The following REEP3 variants were observed in gnomAD, a reference collection of about 807,000 sequenced individuals.
REEP3 encodes receptor accessory protein 3.
REEP3 carries 20 observed loss-of-function variants against 41.3 expected under a neutral mutation model. That is an observed-to-expected ratio of 0.48 (90% CI 0.34 to 0.70). The LOEUF is 0.70. REEP3 is among the 30% of genes least tolerant of loss of function. The pLI is 0.01. For missense variants in REEP3, 271 were observed against 308.8 expected (o/e 0.88, Z 0.92); for synonymous variants, 104 against 101.8 (o/e 1.02, Z -0.13).
chr10:63,594,549 C>G (rs936488989), intron 2 of REEP3, among the ~76,000 whole-genome samples: 1 of 152,140 alleles, frequency 6.6e-6, no homozygotes, highest in African/African-American at 2.4e-5. Flanking sequence ...TTAATCTTTG[C>G]TCCTGCTATC....
chr10:63,536,509 C>G (rs1190850456), intron 1 of REEP3, among the ~76,000 whole-genome samples: 1 of 152,070 alleles, frequency 6.6e-6, no homozygotes, highest in East Asian at 1.9e-4. Context: ...TTTCTCAATT[C>G]CTTTCTAACT....
intron 1 of REEP3, among the ~76,000 whole-genome samples, chr10:63,525,890 A>G (rs111868074): frequency 9.2e-4 from 140 of 152,304 alleles, no homozygotes; most frequent in Non-Finnish European, 1.7e-3. Flanking sequence ...TAAAAGCCAG[A>G]TTGCCAAATT....
intron 5 of REEP3, among the ~76,000 whole-genome samples, chr10:63,609,309 A>C (rs921536508): frequency 6.6e-6 from 1 of 151,914 alleles, no homozygotes. Flanking sequence ...AAAATTAGCC[A>C]GGCGTGGTGG....
intron 1 of REEP3, among the ~76,000 whole-genome samples, chr10:63,533,708 A>ATTTTTTTTTTTTTTTTTTTTTTT (rs1464023228): frequency 1.2e-4 from 11 of 93,904 alleles, no homozygotes; most frequent in South Asian, 4.2e-4. Context: ...AAGTATGTAA[A>ATTTTTTTTTTTTTTTTTTTTTTT]TCTTTTTTTT....
At chr10:63,567,708 G>A (rs1955813168) in intron 2 of REEP3, among the ~76,000 whole-genome samples, 1 of 152,074 alleles carries the variant, frequency 6.6e-6, no homozygotes, top group African/African-American at 2.4e-5. Flanking sequence ...TATAGCTGTG[G>A]TTCTTTGTAA....
At chr10:63,599,747 C>G (rs939511373) in intron 5 of REEP3, 1 of 956,584 alleles carries the variant, frequency 1.0e-6, no homozygotes, top group Non-Finnish European at 1.2e-6. Context: ...ATGAAAAAGT[C>G]TGTTCTTAAA....
chr10:63,618,237 C>CTTTT (rs60115766), intron 6 of REEP3, among the ~76,000 whole-genome samples: 30 of 66,592 alleles, frequency 4.5e-4, no homozygotes, highest in Admixed American at 5.4e-4. Flanking sequence ...TTTCCTTCTT[C>CTTTT]TTTTTTTTTT....
chr10:63,555,672 T>C (rs2133365242), intron 1 of REEP3, among the ~76,000 whole-genome samples: 1 of 152,330 alleles, frequency 6.6e-6, no homozygotes, highest in South Asian at 2.1e-4. Flanking sequence ...TATAATGACT[T>C]TCACATTACT....
intron 2 of REEP3, among the ~76,000 whole-genome samples, chr10:63,579,188 C>T (rs993975731): frequency 1.3e-5 from 2 of 152,156 alleles, no homozygotes; most frequent in Non-Finnish European, 2.9e-5. Flanking sequence ...CCCACCACCA[C>T]GCCCAGATAA....
intron 3 of REEP3, among the ~76,000 whole-genome samples, chr10:63,596,828 A>T (rs1956119526): frequency 6.6e-6 from 1 of 152,106 alleles, no homozygotes; most frequent in Non-Finnish European, 1.5e-5. Context: ...CCCAAGCTGG[A>T]GTGCAATGGC....
Position 63,616,132 on chromosome 10 carries a change from G to GGT in REEP3, c.566-3520_566-3519dup, listed in dbSNP as rs35850492. ...TGACGAAGTCCAAACTAGATAGCAT[G>GGT]GTGTATTAACTCCCCAGCCTTGTTC... On this transcript the variant is annotated intron_variant, in intron 6 of 7. Transcript: ENST00000373758. Among the ~76,000 whole-genome samples, 3,003 of 152,226 alleles carry GGT rather than the reference G, an allele frequency of 0.02. 130 individuals carry two copies. The East Asian group carries it at 0.2, about 10-fold the overall frequency.
At chr10:63,601,337 C>A (rs1480092301) in intron 5 of REEP3, among the ~76,000 whole-genome samples, 1 of 152,076 alleles carries the variant, frequency 6.6e-6, no homozygotes, top group East Asian at 1.9e-4. Flanking sequence ...TTTCTTAATT[C>A]TAGGCATGCA....
chr10:63,556,642 T>G lies in REEP3; in HGVS notation c.33-9696T>G, dbSNP rs1315025937. Among the ~76,000 whole-genome samples the G allele has an allele frequency of 1.5e-4, 15 of 102,672 alleles. 1 individual carries two copies. The South Asian group carries it at 2.3e-3, about 16-fold the overall frequency. The allele number at this position is 102,672 out of a possible 152,430, so 67.4% of individuals were successfully genotyped here. On this transcript the variant is annotated intron_variant, in intron 1 of 7. Coordinates refer to ENST00000373758, the MANE Select transcript of REEP3 (RefSeq NM_001001330.3). ...TTTTTTTTTGTTGTTTTGTTTTTTT[T>G]TTTTTTTTTTTGAGACGGAGTCTCG...
At chr10:63,609,589 C>T (rs1956260995) in intron 5 of REEP3, among the ~76,000 whole-genome samples, 1 of 151,952 alleles carries the variant, frequency 6.6e-6, no homozygotes. Context: ...GGCGAAACCC[C>T]ATCTCTGTTA....
chr10:63,590,368 T>A (rs957415476), intron 2 of REEP3, among the ~76,000 whole-genome samples: 6 of 152,246 alleles, frequency 3.9e-5, no homozygotes, highest in African/African-American at 1.4e-4. Flanking sequence ...TTATTTTTAA[T>A]GTTGCCACCT....
intron 5 of REEP3, among the ~76,000 whole-genome samples, chr10:63,601,099 A>G (rs1357291671): frequency 6.6e-6 from 1 of 151,986 alleles, no homozygotes; most frequent in African/African-American, 2.4e-5. Flanking sequence ...GGCTGCACTG[A>G]GCCAAGATCA....
At chr10:63,561,652 C>T (rs1955740519) in intron 1 of REEP3, among the ~76,000 whole-genome samples, 1 of 152,168 alleles carries the variant, frequency 6.6e-6, no homozygotes, top group South Asian at 2.1e-4. Flanking sequence ...ACAGTGGGCA[C>T]AGAGGAATGT....
At chr10:63,548,929 A>G (rs1955602583) in intron 1 of REEP3, among the ~76,000 whole-genome samples, 1 of 152,174 alleles carries the variant, frequency 6.6e-6, no homozygotes, top group East Asian at 1.9e-4. Context: ...CAGAACTGGA[A>G]ATGTTTGATG....
chr10:63,619,819 T>C lies in REEP3; in HGVS notation c.711+19T>C, dbSNP rs202212373. On this transcript the variant is annotated intron_variant, in intron 7 of 7. Transcript: ENST00000373758. ...CAAAGAGGTTGGTTAAGTGTAGAGC[T>C]GTTTTCCTAATGATTAGTGAAGGAT... The C allele has an allele frequency of 4.5e-5, 72 of 1,591,702 alleles. 1 individual carries two copies. In the African/African-American group the frequency reaches 9.0e-4, roughly 20 times the overall value.
Sources: allele counts gnomAD v4.1 joint callset (sites outside exome capture counted in the v4.1 genomes callset), GRCh38; gene constraint gnomAD v4.1.1; transcripts MANE v1.5; gene names NCBI Gene and HGNC (gene_info 2026-07-23, HGNC 2026-07-21).